CNOT6L: variants seen among roughly 807,000 people sequenced by gnomAD.
The protein encoded by CNOT6L is CCR4-NOT transcription complex subunit 6 like, also known as CCR4-NOT transcription complex subunit 6-like.
Under a neutral mutation model 64.0 loss-of-function variants are expected in CNOT6L, and 7 were observed. The ratio of observed to expected loss-of-function variants is 0.11; its 90% CI spans 0.06 to 0.21. The LOEUF is 0.21. CNOT6L is among the 10% of genes least tolerant of loss of function. CNOT6L has a pLI of 1.00. For missense variants in CNOT6L, 245 were observed against 669.0 expected, an observed-to-expected ratio of 0.37 and a Z score of 6.99; for synonymous variants, 193 against 243.4, an observed-to-expected ratio of 0.79 and a Z score of 1.93.
intron 1 of CNOT6L, among the ~76,000 whole-genome samples, chr4:77,791,725 T>C (rs1730168326): frequency 6.6e-6 from 1 of 152,172 alleles, no homozygotes; most frequent in South Asian, 2.1e-4. Context: ...TGGGTATTAT[T>C]TAAACAACAA....
intron 1 of CNOT6L, among the ~76,000 whole-genome samples, chr4:77,814,008 T>C (rs1415425982): frequency 1.3e-5 from 2 of 152,160 alleles, no homozygotes; most frequent in East Asian, 3.8e-4. Context: ...AGCTCATGAA[T>C]AAGATAAATG....
intron 7 of CNOT6L, among the ~76,000 whole-genome samples, chr4:77,743,789 A>G (rs904009197): frequency 2.0e-5 from 3 of 151,756 alleles, no homozygotes; most frequent in African/African-American, 7.3e-5. Flanking sequence ...TTTAGTAGAT[A>G]TGGGGTTTCA....
At chr4:77,761,968 T>G (rs900281608) in intron 4 of CNOT6L, among the ~76,000 whole-genome samples, 2 of 152,122 alleles carry the variant, frequency 1.3e-5, no homozygotes, top group Non-Finnish European at 2.9e-5. Flanking sequence ...TAAAAAGCAG[T>G]ACCATTTGCA....
In CNOT6L at chr4:77,720,659, G is replaced by T; in HGVS notation, c.1456-16C>A. 6.2e-7 allele frequency: 1 copy of T among 1,609,692 alleles called. No homozygotes were observed. Among genetic ancestry groups the T allele is most frequent in the Non-Finnish European group, 8.5e-7 (1 of 1,177,820 alleles). On this transcript the variant is annotated splice_polypyrimidine_tract_variant and intron_variant, in intron 11 of 11. Coordinates refer to ENST00000504123, the MANE Select transcript of CNOT6L (RefSeq NM_144571.3). ...CAATCACGCCCTGGAAAGAGATTGG[G>T]AATAGGAAAAAAAGAAAAATTCAAG...
chr4:77,725,428 A>G lies in CNOT6L; in HGVS notation c.1455+739T>C, dbSNP rs115827917. On this transcript the variant is annotated intron_variant, in intron 11 of 11. Transcript: ENST00000504123. ...AAATGCCAGAAAGTCAAAGAGAGGT[A>G]TAATAGCAGAGCTACAGGTACACAG... 5.3e-3 allele frequency among the ~76,000 whole-genome samples: 805 copies of G among 152,356 alleles called. 8 individuals are homozygous for G. Among genetic ancestry groups the G allele is most frequent in the African/African-American group, 0.018 (764 of 41,584 alleles).
intron 1 of CNOT6L, 144 bp downstream of exon 1, chr4:77,819,160 G>T (rs570967867): frequency 2.6e-6 from 4 of 1,528,458 alleles, no homozygotes; most frequent in East Asian, 4.8e-5. Context: ...ACTCGCCGTG[G>T]GTCCTCGGGC....
At chr4:77,811,876 A>C (rs1423617355) in intron 1 of CNOT6L, among the ~76,000 whole-genome samples, 2 of 5,762 alleles carry the variant, frequency 3.5e-4, no homozygotes, top group Non-Finnish European at 1.4e-3. Context: ...GAGCAGTTTA[A>C]AAAAAAAAAA....
At chr4:77,798,086 G>A (rs1029666702) in intron 1 of CNOT6L, among the ~76,000 whole-genome samples, 10 of 152,154 alleles carry the variant, frequency 6.6e-5, no homozygotes, top group Admixed American at 3.3e-4. Flanking sequence ...AACATTTTGG[G>A]AGGCCAAGGA....
chr4:77,748,336 C>A lies in CNOT6L; in HGVS notation c.539G>T (p.Arg180Leu). Residue 180 changes from arginine to leucine, a missense_variant, in exon 6 of 12, where the codon CGA (arginine) becomes CTA (leucine). Transcript: ENST00000504123. Reference protein sequence around the residue: ...PPRPWITLKERDQILPSASFT... With the variant: ...PPRPWITLKELDQILPSASFT... Reference sequence around the variant, plus strand: ...TTTACCTGACGGCAGAATTTGGTCTCGTTCTTTTAATGTAATCCATGGCCT... The same window carrying A: ...TTTACCTGACGGCAGAATTTGGTCTAGTTCTTTTAATGTAATCCATGGCCT... 1 of 1,612,118 alleles carries A rather than the reference C, an allele frequency of 6.2e-7. No homozygotes were observed. The highest frequency in any genetic ancestry group is 8.5e-7 in the Non-Finnish European group (1 of 1,178,704).
chr4:77,817,936 A>C (rs905138995), intron 1 of CNOT6L, among the ~76,000 whole-genome samples: 1 of 152,230 alleles, frequency 6.6e-6, no homozygotes, highest in African/African-American at 2.4e-5. Context: ...ATTAGCAAAT[A>C]ATTATCCAAA....
At chr4:77,811,717 C>T (rs1732962050) in intron 1 of CNOT6L, among the ~76,000 whole-genome samples, 1 of 152,090 alleles carries the variant, frequency 6.6e-6, no homozygotes, top group Non-Finnish European at 1.5e-5. Flanking sequence ...AATCCTAACA[C>T]TCTCTCACAA....
intron 4 of CNOT6L, among the ~76,000 whole-genome samples, chr4:77,767,094 AAGAC>A (rs1426763097): frequency 2.9e-5 from 4 of 137,424 alleles, no homozygotes; most frequent in East Asian, 2.1e-4. Context: ...AAAGGGAAAA[AAGAC>A]AGTTGTGGTT....
In CNOT6L at chr4:77,748,494, A is replaced by G. The variant is rs899145721; in HGVS notation, c.491-110T>C. The G allele has an allele frequency of 8.5e-5, 62 of 731,774 alleles. No individual in the cohort carries two copies. The East Asian group carries it at 1.4e-3, about 17-fold the overall frequency. 45.3% of individuals were successfully genotyped at this position (731,774 alleles called of 1,614,324 possible). A position where few individuals can be genotyped will look rare whatever the true frequency, so the allele number is the denominator to read the frequency against. On this transcript the variant is annotated intron_variant, in intron 5 of 11. Coordinates refer to ENST00000504123, the MANE Select transcript of CNOT6L (RefSeq NM_144571.3). ...TTCTATTCTGCTGTAACGGCCTGCAAACTGACTTAATCTAATGCTGAAATT... is the reference window on the plus strand; with the variant it reads ...TTCTATTCTGCTGTAACGGCCTGCAGACTGACTTAATCTAATGCTGAAATT...
At chr4:77,762,768 A>G (rs979223658) in intron 4 of CNOT6L, among the ~76,000 whole-genome samples, 1 of 152,142 alleles carries the variant, frequency 6.6e-6, no homozygotes, top group African/African-American at 2.4e-5. Flanking sequence ...GACATTCTGG[A>G]AAAGTAGTTG....
intron 4 of CNOT6L, among the ~76,000 whole-genome samples, chr4:77,758,642 A>G (rs1000995202): frequency 1.3e-5 from 2 of 152,214 alleles, no homozygotes; most frequent in African/African-American, 4.8e-5. Flanking sequence ...AACTAGAACT[A>G]GAACACTTTA....
At chr4:77,735,664 A>G (rs1484246691) in intron 8 of CNOT6L, among the ~76,000 whole-genome samples, 2 of 152,214 alleles carry the variant, frequency 1.3e-5, no homozygotes, top group Non-Finnish European at 2.9e-5. Context: ...ACTTTGAGGA[A>G]AATTCTTCTC....
rs141868831 is a variant in CNOT6L at position 77,804,361 on chromosome 4, G to A, written c.5+14943C>T. Among the ~76,000 whole-genome samples the A allele has an allele frequency of 4.4e-3, 662 of 151,854 alleles. 6 individuals are homozygous for A. The highest frequency in any genetic ancestry group is 0.015 in the African/African-American group (630 of 41,386). On this transcript the variant is annotated intron_variant, in intron 1 of 11. Coordinates refer to ENST00000504123, the MANE Select transcript of CNOT6L (RefSeq NM_144571.3). ...GGAGAACTGCTTGAACCTGGGAGGC[G>A]GAGGCTGTGGTGAACCGGTATCGTG...
chr4:77,792,305 T>G (rs1730250588), intron 1 of CNOT6L, among the ~76,000 whole-genome samples: 2 of 152,124 alleles, frequency 1.3e-5, no homozygotes, highest in African/African-American at 4.8e-5. Flanking sequence ...AAAAATTCTA[T>G]ACTTTAAGCC....
At chr4:77,725,505 C>T (rs1387276224) in intron 11 of CNOT6L, among the ~76,000 whole-genome samples, 1 of 152,204 alleles carries the variant, frequency 6.6e-6, no homozygotes, top group African/African-American at 2.4e-5. Context: ...CCACCACAAT[C>T]TGTCTTTCTA....
Sources: gnomAD v4.1 joint callset for allele counts (sites outside exome capture counted in the v4.1 genomes callset) on GRCh38, gnomAD v4.1.1 for gene constraint, MANE v1.5 for transcripts, NCBI Gene and HGNC (gene_info 2026-07-23, HGNC 2026-07-21) for gene names.